Variants in MYO15B observed in about 807,000 individuals in gnomAD.
The protein encoded by MYO15B is myosin XVB, also known as myosin XVB pseudogene.
A neutral mutation model predicts 119.3 loss-of-function variants in MYO15B; 207 were observed. The ratio of observed to expected loss-of-function variants is 1.73; its 90% CI spans 1.55 to 1.95. The LOEUF (loss-of-function observed/expected upper bound fraction) is 1.95. MYO15B is among the 30% of genes most tolerant of loss of function. MYO15B has a pLI of 0.00. For synonymous variants in MYO15B, 966 were observed against 498.9 expected (o/e 1.94, Z -12.48); for missense variants, 2,264 against 1,203.1 (o/e 1.88, Z -13.04).
intron 25 of MYO15B, among the ~76,000 whole-genome samples, chr17:75,612,379 C>T (rs899363623): frequency 6.6e-6 from 1 of 152,170 alleles, no homozygotes; most frequent in South Asian, 2.1e-4. Flanking sequence ...AGGTTCAAAA[C>T]TGCACATACA....
chr17:75,617,551 T>C (rs1598889887), intron 41 of MYO15B: 2 of 400,356 alleles, frequency 5.0e-6, no homozygotes, highest in Non-Finnish European at 9.3e-6. Flanking sequence ...CCCTGACACA[T>C]ACCCGACAGC....
chr17:75,603,620 A>G (rs1295759934), intron 19 of MYO15B, among the ~76,000 whole-genome samples: 1 of 151,950 alleles, frequency 6.6e-6, no homozygotes, highest in African/African-American at 2.4e-5. Flanking sequence ...GGCGGGGCTC[A>G]CGGTCTAGTG....
exon 1 of MYO15B, chr17:75,588,406 G>A (rs1396789281): frequency 2.5e-6 from 1 of 398,518 alleles, no homozygotes; most frequent in East Asian, 3.6e-5. Context: ...AAGCCTCTCC[G>A]GAGGAGAAGA....
intron 14 of MYO15B, among the ~76,000 whole-genome samples, chr17:75,598,867 C>CT (rs1275456430): frequency 1.4e-5 from 2 of 141,880 alleles, no homozygotes; most frequent in Non-Finnish European, 1.6e-5. Context: ...ATTTCCAGGG[C>CT]TCAGCAATAT....
chr17:75,625,515 C>A lies in MYO15B; in HGVS notation c.8805-12C>A, dbSNP rs772272428. On this transcript the variant is annotated splice_polypyrimidine_tract_variant and intron_variant, in intron 60 of 63. Coordinates refer to ENST00000645453, the Ensembl canonical transcript of MYO15B. Reference sequence around the variant, plus strand: ...GGTCAGGGGCCAAACTGACCCTGGTCACACATCCTAGGCAGGACCTGCTAG... The same window carrying A: ...GGTCAGGGGCCAAACTGACCCTGGTAACACATCCTAGGCAGGACCTGCTAG... 17 of 702,980 alleles carry A rather than the reference C, an allele frequency of 2.4e-5. No individual in the cohort carries two copies. In the South Asian group the frequency reaches 2.5e-4, roughly 10 times the overall value. 43.5% of individuals were successfully genotyped at this position (702,980 alleles called of 1,614,324 possible).
chr17:75,588,750 AGC>A lies in MYO15B; in HGVS notation c.694_695del (p.Ala232GlnfsTer199). The A allele has an allele frequency of 2.5e-6, 1 of 398,766 alleles. No homozygotes were observed. The highest frequency in any genetic ancestry group is 4.4e-5 in the Admixed American group (1 of 22,726). The allele number at this position is 398,766 out of a possible 1,614,324, so 24.7% of individuals were successfully genotyped here. On this transcript the variant is annotated frameshift_variant, in exon 1 of 64. Coordinates refer to ENST00000645453, the Ensembl canonical transcript of MYO15B. LOFTEE classifies it high-confidence loss of function. ...GGTCGTCGGGGACGGGGCCCCTGGGAGCCAGCGAGCATTCCGGCGGGGACTCC... is the reference window on the plus strand; with the variant it reads ...GGTCGTCGGGGACGGGGCCCCTGGGACAGCGAGCATTCCGGCGGGGACTCC...
chr17:75,618,616 T>G (rs1466396463), intron 43 of MYO15B, among the ~76,000 whole-genome samples: 1 of 152,188 alleles, frequency 6.6e-6, no homozygotes, highest in Non-Finnish European at 1.5e-5. Context: ...GCCACTGCAC[T>G]CCCGCCTGGG....
At chr17:75,619,830 T>TG (rs2058597669) in intron 46 of MYO15B, 31 bp downstream of exon 46, 2 of 702,146 alleles carry the variant, frequency 2.8e-6, no homozygotes, top group African/African-American at 3.5e-5. Flanking sequence ...GGGCTAGAGG[T>TG]GGGGGCAGGT....
rs555283567 is a variant in MYO15B, at chr17:75,610,361, G to C, written c.4386+102G>C. 5.2e-6 allele frequency: 3 copies of C among 576,072 alleles called. No individual in the cohort carries two copies. The East Asian group carries it at 8.7e-5, about 17-fold the overall frequency. The allele number at this position is 576,072 out of a possible 1,614,324, so 35.7% of individuals were successfully genotyped here. ...GCGTTGACCCTCTCAGCCCGGCCTC[G>C]CACGGGCTGTGGCTTCAGACACAGT... is the stretch of plus-strand genomic sequence containing the variant. On this transcript the variant is annotated intron_variant, in intron 22 of 63. Transcript: ENST00000645453.
In MYO15B at chr17:75,623,337, TAAATG is replaced by T. The variant is rs146355253; in HGVS notation, c.8083-440_8083-436del. ...AAGACTGTCTCAAAAAAATAAAAAATAAATGAAAAGGCCGGGCACGGAGGCCCACA... is the reference window on the plus strand; with the variant it reads ...AAGACTGTCTCAAAAAAATAAAAAATAAAAGGCCGGGCACGGAGGCCCACA... On this transcript the variant is annotated intron_variant, in intron 53 of 63. Transcript: ENST00000645453. Among the ~76,000 whole-genome samples, 1,221 of 144,756 alleles carry T rather than the reference TAAATG, an allele frequency of 8.4e-3. 12 individuals are homozygous for T. Among genetic ancestry groups the T allele is most frequent in the African/African-American group, 0.027 (1,050 of 38,744 alleles). 95.0% of individuals were successfully genotyped at this position (144,756 alleles called of 152,430 possible). A position where few individuals can be genotyped will look rare whatever the true frequency, so the allele number is the denominator to read the frequency against.
In MYO15B at chr17:75,626,101, G is replaced by A. The variant is rs199758617; in HGVS notation, c.9086G>A (p.Arg3029His). The stretch of plus-strand genomic sequence containing the variant: ...TGCTGCCCCCAGAGCCTGTACTGCC[G>A]CATTGCCCTGAAGAGCCTGCAGCGG... The change falls in exon 63 of 64, where the codon CGC (arginine) becomes CAC (histidine). Residue 3029 changes from arginine to histidine, a missense_variant. By Grantham distance (29) the Arg-to-His change is conservative. Transcript: ENST00000645453. 1.0e-4 allele frequency: 72 copies of A among 703,018 alleles called. No individual in the cohort carries two copies. The Admixed American group carries it at 1.0e-3, about 10-fold the overall frequency. The allele number at this position is 703,018 out of a possible 1,614,324, so 43.5% of individuals were successfully genotyped here.
chr17:75,603,122 A>G (rs1311039307), intron 18 of MYO15B, 45 bp downstream of exon 18: 1 of 701,494 alleles, frequency 1.4e-6, no homozygotes. Flanking sequence ...CCCTCCCTGC[A>G]CCTCCCTCCC....
At chr17:75,618,022 C>T in intron 42 of MYO15B, 100 bp downstream of exon 42, 8 of 692,272 alleles carry the variant, frequency 1.2e-5, no homozygotes, top group South Asian at 3.0e-5. Context: ...CCCCTCCCCA[C>T]AGCCCACCAT....
intron 14 of MYO15B, among the ~76,000 whole-genome samples, chr17:75,597,106 C>T (rs2056914456): frequency 6.6e-6 from 1 of 152,184 alleles, no homozygotes; most frequent in Non-Finnish European, 1.5e-5. Context: ...CATCTTGTCT[C>T]GGGGTGATCT....
At chr17:75,612,054 C>T (rs1374185251) in intron 25 of MYO15B, 38 bp downstream of exon 25, 1 of 700,428 alleles carries the variant, frequency 1.4e-6, no homozygotes, top group East Asian at 2.7e-5. Flanking sequence ...GCTGGCCTCA[C>T]CGCTCTGAGT....
Position 75,621,330 on chromosome 17 carries a change from C to A in MYO15B, c.7872-15C>A, listed in dbSNP as rs1400675182. On this transcript the variant is annotated splice_polypyrimidine_tract_variant and intron_variant, in intron 50 of 63. Coordinates refer to ENST00000645453, the Ensembl canonical transcript of MYO15B. Reference sequence around the variant, plus strand: ...GGGCCAAACAAGCTGGGCTGTCTCCCTCTGCCCCCCACAGGCTGGGCCAGA... The same window carrying A: ...GGGCCAAACAAGCTGGGCTGTCTCCATCTGCCCCCCACAGGCTGGGCCAGA... 2.9e-6 allele frequency: 2 copies of A among 694,902 alleles called. No individual in the cohort carries two copies. The highest frequency in any genetic ancestry group is 1.8e-5 in the African/African-American group (1 of 57,126). The allele number at this position is 694,902 out of a possible 1,614,324, so 43.0% of individuals were successfully genotyped here.
rs192240488 is a variant in MYO15B, at chr17:75,616,875, C to T, written c.6508C>T (p.Pro2170Ser). ...GTGACCTCTTGCTTCTCCCACGAGG[C>T]CTCCCAAAGCTTTCCTGAGGAAAAT... The change falls in exon 40 of 64, where the codon CCT becomes TCT. Residue 2170 changes from proline to serine, a missense_variant and splice_region_variant. Pro to Ser is a moderately conservative substitution (Grantham distance 74, BLOSUM62 -1). Transcript: ENST00000645453. The T allele has an allele frequency of 1.4e-5, 10 of 703,068 alleles. No homozygotes were observed. The East Asian group carries it at 1.9e-4, about 13-fold the overall frequency. 43.6% of individuals were successfully genotyped at this position (703,068 alleles called of 1,614,324 possible). A position where few individuals can be genotyped will look rare whatever the true frequency, so the allele number is the denominator to read the frequency against.
At chr17:75,594,105 G>GGA (rs2056680092) in intron 9 of MYO15B, among the ~76,000 whole-genome samples, 2 of 134,056 alleles carry the variant, frequency 1.5e-5, no homozygotes, top group East Asian at 2.2e-4. Flanking sequence ...AAAAAAAAAA[G>GGA]AAAAAAAAAA....
At position 75,615,232 on chromosome 17, in the gene MYO15B, T is replaced by TC; in HGVS notation, c.5642-5dup. 1.4e-6 allele frequency: 1 copy of TC among 700,884 alleles called. No homozygotes were observed. The highest frequency in any genetic ancestry group is 2.3e-4 in the Middle Eastern group (1 of 4,362). 43.4% of individuals were successfully genotyped at this position (700,884 alleles called of 1,614,324 possible). On this transcript the variant is annotated splice_region_variant and splice_polypyrimidine_tract_variant and intron_variant, in intron 33 of 63. Coordinates refer to ENST00000645453, the Ensembl canonical transcript of MYO15B. ...GCAGGGACTGACAGGGAGGGCGTGTTCCCTCAGTGTACCCAGGAATGATTC... is the reference window on the plus strand; with the variant it reads ...GCAGGGACTGACAGGGAGGGCGTGTTCCCCTCAGTGTACCCAGGAATGATTC...
Sources: allele counts gnomAD v4.1 joint callset (sites outside exome capture counted in the v4.1 genomes callset), GRCh38; gene constraint gnomAD v4.1.1; transcripts MANE v1.5; gene names NCBI Gene and HGNC (gene_info 2026-07-23, HGNC 2026-07-21).